PDE6A: variants seen among roughly 807,000 people sequenced by gnomAD.
PDE6A encodes the protein phosphodiesterase 6A, also known as rod cGMP-specific 3',5'-cyclic phosphodiesterase subunit alpha.
A neutral mutation model predicts 106.3 loss-of-function variants in PDE6A; 84 were observed. That is an observed-to-expected ratio of 0.79 (90% CI 0.66 to 0.95). The LOEUF is 0.95. Among genes scored for constraint, PDE6A ranks in the 40% least tolerant of loss-of-function variants. The pLI, the probability that PDE6A is intolerant of heterozygous loss-of-function variation, is 0.00. For missense variants in PDE6A, 1,052 were observed against 1,084.9 expected (o/e 0.97, Z 0.43); for synonymous variants, 394 against 386.6 (o/e 1.02, Z -0.23).
intron 5 of PDE6A, among the ~76,000 whole-genome samples, chr5:149,919,395 C>A (rs1321208757): frequency 6.6e-6 from 1 of 152,156 alleles, no homozygotes; most frequent in Non-Finnish European, 1.5e-5. Context: ...GTAATCCCAG[C>A]TACTCGGGAA....
At chr5:149,902,468 A>G (rs1385349349) in intron 8 of PDE6A, among the ~76,000 whole-genome samples, 3 of 151,736 alleles carry the variant, frequency 2.0e-5, no homozygotes, top group African/African-American at 4.8e-5. Flanking sequence ...CATTTTGCCA[A>G]TGCTTTCACA....
At chr5:149,889,341 T>G (rs1395134458) in intron 13 of PDE6A, among the ~76,000 whole-genome samples, 3 of 152,060 alleles carry the variant, frequency 2.0e-5, no homozygotes, top group African/African-American at 7.2e-5. Flanking sequence ...CTTTATTAGG[T>G]TTTTGATCAC....
At chr5:149,931,354 A>ATTT (rs3836740) in intron 3 of PDE6A, among the ~76,000 whole-genome samples, 186 bp from the exon 4 acceptor site, 1 of 148,912 alleles carries the variant, frequency 6.7e-6, no homozygotes, top group South Asian at 2.1e-4. Context: ...AAAGTTTTTA[A>ATTT]TTTTTTTTTT....
At chr5:149,888,597 A>G (rs182994890) in intron 13 of PDE6A, among the ~76,000 whole-genome samples, 15 of 151,308 alleles carry the variant, frequency 9.9e-5, no homozygotes, top group Non-Finnish European at 1.3e-4. Context: ...AGAAAAAGCT[A>G]TAAGATATGA....
At chr5:149,909,320 C>T (rs1753299389) in intron 6 of PDE6A, among the ~76,000 whole-genome samples, 2 of 152,186 alleles carry the variant, frequency 1.3e-5, no homozygotes, top group African/African-American at 4.8e-5. Flanking sequence ...TCACACCCAG[C>T]CAATTTTTAA....
chr5:149,922,746 A>G (rs575426600), intron 4 of PDE6A, among the ~76,000 whole-genome samples: 1 of 152,240 alleles, frequency 6.6e-6, no homozygotes, highest in African/African-American at 2.4e-5. Flanking sequence ...GAAAGAAAAA[A>G]ATGATATCAA....
chr5:149,861,284 G>A (rs771145201), intron 21 of PDE6A, among the ~76,000 whole-genome samples: 7 of 152,212 alleles, frequency 4.6e-5, no homozygotes, highest in Non-Finnish European at 4.4e-5. Flanking sequence ...GTTGCCACTC[G>A]GCTTCAGCCA....
intron 7 of PDE6A, among the ~76,000 whole-genome samples, chr5:149,904,488 C>T (rs908696725): frequency 1.3e-5 from 2 of 152,164 alleles, no homozygotes; most frequent in African/African-American, 4.8e-5. Context: ...AATGTGTGAA[C>T]TGCACACAGG....
At position 149,867,714 on chromosome 5, in the gene PDE6A, T is replaced by TG; in HGVS notation, c.2274+10dup. ...CACCTAACATCAGGCTGACATCCCC[T>TG]GTCTACTCACAATGGGATTCTGTTG... On this transcript the variant is annotated intron_variant, in intron 19 of 21. Transcript: ENST00000255266. 3.7e-6 allele frequency: 6 copies of TG among 1,611,848 alleles called. No homozygotes were observed. Among genetic ancestry groups the TG allele is most frequent in the Non-Finnish European group, 5.1e-6 (6 of 1,178,200 alleles).
chr5:149,920,838 C>T (rs1303199501), intron 5 of PDE6A, among the ~76,000 whole-genome samples: 1 of 150,394 alleles, frequency 6.6e-6, no homozygotes, highest in East Asian at 2.0e-4. Context: ...GAAGTCAAGA[C>T]CAGCCTAGGC....
intron 8 of PDE6A, among the ~76,000 whole-genome samples, chr5:149,903,150 A>ACT (rs1753045452): frequency 6.8e-6 from 1 of 146,480 alleles, no homozygotes; most frequent in East Asian, 1.9e-4. Flanking sequence ...CCCTCTCTAA[A>ACT]AAAAAAAAAA....
Position 149,883,327 on chromosome 5 carries a change from A to C in PDE6A, c.2135+102T>G, listed in dbSNP as rs1231218654. 62 of 792,578 alleles carry C rather than the reference A, an allele frequency of 7.8e-5. 1 individual carries two copies. Among genetic ancestry groups the C allele is most frequent in the Non-Finnish European group, 1.2e-4 (55 of 450,660 alleles). The allele number at this position is 792,578 out of a possible 1,614,324, so 49.1% of individuals were successfully genotyped here. A position where few individuals can be genotyped will look rare whatever the true frequency, so the allele number is the denominator to read the frequency against. ...TCATATGTTGAAGGCCTCCAAAATG[A>C]AATAGTCCCAAGGCTTGTTGAGGGC... is the stretch of plus-strand genomic sequence containing the variant. On this transcript the variant is annotated intron_variant, in intron 17 of 21. Coordinates refer to ENST00000255266, the MANE Select transcript of PDE6A (RefSeq NM_000440.3).
chr5:149,896,636 G>A, intron 11 of PDE6A, 75 bp downstream of exon 11: 1 of 1,613,698 alleles, frequency 6.2e-7, no homozygotes, highest in East Asian at 2.2e-5. Flanking sequence ...GCTTTGCAAG[G>A]AGAAACCCCT....
At chr5:149,881,890 C>T (rs1223899444) in intron 17 of PDE6A, among the ~76,000 whole-genome samples, 60 of 151,540 alleles carry the variant, frequency 4.0e-4, no homozygotes, top group African/African-American at 1.3e-3. Context: ...CTGTTTCTAC[C>T]AAAATTACAA....
At position 149,867,507 on chromosome 5, in the gene PDE6A, G is replaced by A. The variant is rs1760373400; in HGVS notation, c.2274+218C>T. ...GGGCCCACCCCCAGAGCTTCTGGTT[G>A]GGTAGACCTAGGGTGAGGCTTGTGA... On this transcript the variant is annotated intron_variant, in intron 19 of 21. Coordinates refer to ENST00000255266, the MANE Select transcript of PDE6A (RefSeq NM_000440.3). 3 of 624,072 alleles carry A rather than the reference G, an allele frequency of 4.8e-6. No individual in the cohort carries two copies. The Admixed American group carries it at 7.1e-5, about 15-fold the overall frequency. The allele number at this position is 624,072 out of a possible 1,614,324, so 38.7% of individuals were successfully genotyped here.
intron 17 of PDE6A, among the ~76,000 whole-genome samples, chr5:149,870,771 CAA>C (rs3078093): frequency 0.19 from 12,088 of 63,404 alleles, 260 homozygotes; most frequent in Non-Finnish European, 0.24. Context: ...GAACACAGGG[CAA>C]AAAAAAAAAA....
At chr5:149,927,746 C>T (rs971793420) in intron 4 of PDE6A, among the ~76,000 whole-genome samples, 3 of 151,504 alleles carry the variant, frequency 2.0e-5, no homozygotes, top group Non-Finnish European at 4.4e-5. Context: ...ATTCTTTTTT[C>T]TTTTTTTATG....
intron 1 of PDE6A, among the ~76,000 whole-genome samples, chr5:149,938,273 GT>G (rs148140995): frequency 1.3e-4 from 19 of 149,946 alleles, no homozygotes; most frequent in African/African-American, 2.7e-4. Flanking sequence ...CTCTGTGAAG[GT>G]TTTTTTTTTC....
At chr5:149,881,172 T>C (rs1760906859) in intron 17 of PDE6A, among the ~76,000 whole-genome samples, 1 of 152,226 alleles carries the variant, frequency 6.6e-6, no homozygotes, top group Admixed American at 6.5e-5. Context: ...GTTCAGCCAC[T>C]GTGGAAAGCA....
Sources: allele counts gnomAD v4.1 joint callset (sites outside exome capture counted in the v4.1 genomes callset), GRCh38; gene constraint gnomAD v4.1.1; transcripts MANE v1.5; gene names NCBI Gene and HGNC (gene_info 2026-07-23, HGNC 2026-07-21).